Variants in PNPLA1 observed in about 807,000 individuals in gnomAD.
PNPLA1 encodes omega-hydroxyceramide transacylase.
In PNPLA1, 36 loss-of-function variants were observed where a neutral mutation model predicts 51.7. That is an observed-to-expected ratio of 0.70 (90% CI 0.53 to 0.92). The LOEUF (loss-of-function observed/expected upper bound fraction) is 0.92, where lower values mean the gene tolerates loss of function less well. Among genes scored for constraint, PNPLA1 ranks in the 40% least tolerant of loss-of-function variants. The pLI is 0.00. For missense variants in PNPLA1, 658 were observed against 682.5 expected (o/e 0.96, Z 0.40); for synonymous variants, 293 against 280.1 (o/e 1.05, Z -0.46).
chr6:36,273,451 A>G (rs865861043), intron 1 of PNPLA1, among the ~76,000 whole-genome samples: 17 of 151,966 alleles, frequency 1.1e-4, no homozygotes, highest in Middle Eastern at 3.4e-3. Context: ...GGCCTTCAGA[A>G]TGGGGGTAGG....
intron 1 of PNPLA1, among the ~76,000 whole-genome samples, chr6:36,263,674 G>T (rs1198826409): frequency 6.8e-6 from 1 of 147,424 alleles, no homozygotes; most frequent in Non-Finnish European, 1.5e-5. Flanking sequence ...GTGAATTTTT[G>T]ATGTTCTGGC....
chr6:36,299,333 CTGT>C (rs1561869091), intron 5 of PNPLA1, among the ~76,000 whole-genome samples: 2 of 142,346 alleles, frequency 1.4e-5, no homozygotes, highest in Non-Finnish European at 3.0e-5. Flanking sequence ...GTTTTTTTGT[CTGT>C]TTTTTTTTTT....
rs1434875900 is a variant in PNPLA1, at chr6:36,295,347, G to C, written c.715-17G>C. 6.2e-7 allele frequency: 1 copy of C among 1,613,988 alleles called. No individual in the cohort carries two copies. Among genetic ancestry groups the C allele is most frequent in the African/African-American group, 1.3e-5 (1 of 74,920 alleles). ...TCCCCGCAGCCTTGGTAATTCTCCT[G>C]GTGCCTCCGCCCACAGATCCTGCAC... is the stretch of plus-strand genomic sequence containing the variant. On this transcript the variant is annotated splice_polypyrimidine_tract_variant and intron_variant, in intron 4 of 8. Coordinates refer to ENST00000636260, the MANE Select transcript of PNPLA1 (RefSeq NM_001374623.1).
chr6:36,288,513 C>T (rs1267419396), intron 1 of PNPLA1, among the ~76,000 whole-genome samples: 2 of 147,184 alleles, frequency 1.4e-5, no homozygotes, highest in Non-Finnish European at 1.5e-5. Context: ...ACTGCAGTGG[C>T]GCAATCTCGG....
At chr6:36,292,491 T>TGCCTGGGATCCCCTCCCTCC (rs1442794148) in intron 2 of PNPLA1, among the ~76,000 whole-genome samples, 3 of 152,114 alleles carry the variant, frequency 2.0e-5, no homozygotes, top group Non-Finnish European at 4.4e-5. Context: ...CCGCTCCCTC[T>TGCCTGGGATCCCCTCCCTCC]GCCTGGGATC....
intron 1 of PNPLA1, among the ~76,000 whole-genome samples, chr6:36,276,089 G>A (rs1305235095): frequency 6.6e-6 from 1 of 151,878 alleles, no homozygotes; most frequent in Non-Finnish European, 1.5e-5. Context: ...CTCCCGAGTA[G>A]CTGGGCTTAC....
chr6:36,309,164 A>G (rs546101928), intron 8 of PNPLA1, among the ~76,000 whole-genome samples: 1 of 152,206 alleles, frequency 6.6e-6, no homozygotes, highest in African/African-American at 2.4e-5. Flanking sequence ...AATGCACTTG[A>G]TGAGTGGTGG....
chr6:36,289,706 T>C (rs1770617441), intron 1 of PNPLA1, among the ~76,000 whole-genome samples: 1 of 152,126 alleles, frequency 6.6e-6, no homozygotes, highest in Non-Finnish European at 1.5e-5. Flanking sequence ...AGGTGGGGTA[T>C]GGAGTCAGAA....
At chr6:36,282,145 GACA>G in intron 1 of PNPLA1, among the ~76,000 whole-genome samples, 1 of 144,288 alleles carries the variant, frequency 6.9e-6, no homozygotes, top group African/African-American at 2.6e-5. Context: ...AGGAAAGAGA[GACA>G]GAGAGAGAGA....
intron 1 of PNPLA1, among the ~76,000 whole-genome samples, chr6:36,259,166 G>A (rs1285366727): frequency 6.6e-6 from 1 of 152,156 alleles, no homozygotes; most frequent in Non-Finnish European, 1.5e-5. Context: ...TATTATCTCA[G>A]TTTTGCACAA....
intron 1 of PNPLA1, among the ~76,000 whole-genome samples, chr6:36,281,971 C>T (rs1014081386): frequency 2.0e-5 from 3 of 149,224 alleles, no homozygotes; most frequent in East Asian, 2.0e-4. Context: ...TGCAGTGAGC[C>T]GAGATCGCAC....
chr6:36,301,804 G>T, intron 5 of PNPLA1, 57 bp from the exon 6 acceptor site: 3 of 1,544,316 alleles, frequency 1.9e-6, no homozygotes, highest in South Asian at 1.3e-5. Context: ...AACCATTTTT[G>T]CAAAGGCCAT....
chr6:36,309,545 G>C (rs1189419540), intron 8 of PNPLA1, among the ~76,000 whole-genome samples: 1 of 152,206 alleles, frequency 6.6e-6, no homozygotes, highest in African/African-American at 2.4e-5. Flanking sequence ...CAGCAGAGAA[G>C]CGGGAACTGT....
Position 36,299,884 on chromosome 6 carries a change from C to T in PNPLA1, c.776-1977C>T, listed in dbSNP as rs186612918. On this transcript the variant is annotated intron_variant, in intron 5 of 8. Coordinates refer to ENST00000636260, the MANE Select transcript of PNPLA1 (RefSeq NM_001374623.1). ...AGGGTAGTTTTAGATTTATGGATAACTTGTGAAAATAATACAGGGTGTTTG... is the reference window on the plus strand; with the variant it reads ...AGGGTAGTTTTAGATTTATGGATAATTTGTGAAAATAATACAGGGTGTTTG... Among the ~76,000 whole-genome samples the T allele has an allele frequency of 4.6e-5, 7 of 152,148 alleles. No individual in the cohort carries two copies. In the East Asian group the frequency reaches 1.4e-3, roughly 29 times the overall value.
At chr6:36,268,462 A>T (rs1222764533), upstream of PNPLA1, among the ~76,000 whole-genome samples, 2 of 152,054 alleles carry the variant, frequency 1.3e-5, no homozygotes, top group Admixed American at 6.6e-5. Flanking sequence ...TCTCATCCAA[A>T]GCCCTTCATC....
At chr6:36,309,231 A>G (rs1771334091) in intron 8 of PNPLA1, among the ~76,000 whole-genome samples, 1 of 152,144 alleles carries the variant, frequency 6.6e-6, no homozygotes, top group African/African-American at 2.4e-5. Flanking sequence ...AGCAAACCAC[A>G]TGTTCTTTCT....
chr6:36,264,699 CT>C (rs977090117), intron 1 of PNPLA1, among the ~76,000 whole-genome samples: 2 of 152,124 alleles, frequency 1.3e-5, no homozygotes, highest in African/African-American at 4.8e-5. Flanking sequence ...GTTAAGATTT[CT>C]TCAGTCTGGC....
intron 1 of PNPLA1, among the ~76,000 whole-genome samples, chr6:36,284,565 A>ATCCG (rs1770420698): frequency 6.6e-6 from 1 of 151,224 alleles, no homozygotes; most frequent in South Asian, 2.1e-4. Context: ...TCATCCATCC[A>ATCCG]TCCATCCATC....
At chr6:36,275,608 T>C (rs1383385421) in intron 1 of PNPLA1, among the ~76,000 whole-genome samples, 1 of 152,224 alleles carries the variant, frequency 6.6e-6, no homozygotes, top group Non-Finnish European at 1.5e-5. Context: ...AAGTGTCTCT[T>C]CTATTCTGTT....
Sources: allele counts gnomAD v4.1 joint callset (sites outside exome capture counted in the v4.1 genomes callset), GRCh38; gene constraint gnomAD v4.1.1; transcripts MANE v1.5; gene names NCBI Gene and HGNC (gene_info 2026-07-23, HGNC 2026-07-21).